SMIM17: variants seen among roughly 807,000 people sequenced by gnomAD.
The protein encoded by SMIM17 is small integral membrane protein 17.
In SMIM17, 10 loss-of-function variants were observed where a neutral mutation model predicts 12.2. The ratio of observed to expected loss-of-function variants is 0.82; its 90% CI spans 0.50 to 1.39. SMIM17 has a LOEUF of 1.39. SMIM17 is among the 40% of genes most tolerant of loss of function. SMIM17 has a pLI of 0.00. For synonymous variants in SMIM17, 50 were observed against 44.1 expected (o/e 1.13, Z -0.53); for missense variants, 136 against 118.2 (o/e 1.15, Z -0.70).
At chr19:56,652,982 T>C (rs562116104) in intron 3 of SMIM17, among the ~76,000 whole-genome samples, 62 of 152,356 alleles carry the variant, frequency 4.1e-4, no homozygotes, top group African/African-American at 1.4e-3. Context: ...TGTAAAACTA[T>C]TGGATTTCAG....
At chr19:56,653,656 C>A (rs547633470) in intron 3 of SMIM17, among the ~76,000 whole-genome samples, 122 of 152,276 alleles carry the variant, frequency 8.0e-4, no homozygotes, top group African/African-American at 2.7e-3. Flanking sequence ...CCAAGATATT[C>A]AAAAACCTCT....
At chr19:56,643,689 G>A (rs1262930016) in intron 1 of SMIM17, among the ~76,000 whole-genome samples, 1 of 152,170 alleles carries the variant, frequency 6.6e-6, no homozygotes, top group African/African-American at 2.4e-5. Context: ...GGGAGCGCAG[G>A]CTCTCAGCAA....
At position 56,650,789 on chromosome 19, in the gene SMIM17, T is replaced by C. The variant is rs144493931; in HGVS notation, c.246+3155T>C. On this transcript the variant is annotated intron_variant, in intron 3 of 3. Transcript: ENST00000598409. ...CAGGGGCAACACGTGAATTCTGATG[T>C]GGGGACAGGGTAGAGGGAGGTTCTA... 8.7e-3 allele frequency among the ~76,000 whole-genome samples: 1,318 copies of C among 152,280 alleles called. 24 individuals carry two copies. Among genetic ancestry groups the C allele is most frequent in the African/African-American group, 0.029 (1,198 of 41,548 alleles).
intron 3 of SMIM17, among the ~76,000 whole-genome samples, chr19:56,654,317 A>G (rs1392457380): frequency 1.3e-5 from 2 of 152,228 alleles, no homozygotes; most frequent in African/African-American, 2.4e-5. Context: ...GTAACTACAA[A>G]GGCTTGGAAG....
At chr19:56,647,443 G>C (rs2045073141) in intron 2 of SMIM17, 115 bp from the exon 3 acceptor site, 1 of 666,888 alleles carries the variant, frequency 1.5e-6, no homozygotes, top group Non-Finnish European at 2.5e-6. Context: ...GAGAGAGAGA[G>C]AGAGAGAGGA....
chr19:56,652,878 AC>A (rs1486447686), intron 3 of SMIM17, among the ~76,000 whole-genome samples: 2 of 152,106 alleles, frequency 1.3e-5, no homozygotes, highest in Non-Finnish European at 2.9e-5. Flanking sequence ...AGCGGCCAAT[AC>A]CCCTAGCCTC....
chr19:56,652,303 G>T (rs1395433164), intron 3 of SMIM17, among the ~76,000 whole-genome samples: 1 of 151,880 alleles, frequency 6.6e-6, no homozygotes, highest in Non-Finnish European at 1.5e-5. Flanking sequence ...TATACTGGTA[G>T]AACTGAAATC....
At position 56,655,160 on chromosome 19, in the gene SMIM17, G is replaced by A. The variant is rs935975718; in HGVS notation, c.304G>A (p.Val102Met). 25 of 702,624 alleles carry A rather than the reference G, an allele frequency of 3.6e-5. 2 individuals carry two copies. Among genetic ancestry groups the A allele is most frequent in the Middle Eastern group, 2.3e-4 (1 of 4,368 alleles). 43.5% of individuals were successfully genotyped at this position (702,624 alleles called of 1,614,324 possible). Reference protein sequence around the residue: ...QQTTIVLVVCVLFLFLVLTGM... With the variant: ...QQTTIVLVVCMLFLFLVLTGM... The stretch of plus-strand genomic sequence containing the variant: ...AACAACCATAGTCTTGGTAGTGTGC[G>A]TGCTTTTTTTGTTCCTGGTTTTAAC... The change falls in exon 4 of 4, where the codon GTG becomes ATG. Residue 102 changes from valine (V) to methionine (M), a missense_variant. Coordinates refer to ENST00000598409, the MANE Select transcript of SMIM17 (RefSeq NM_001193628.2).
chr19:56,647,009 G>C (rs2045068501), intron 2 of SMIM17, among the ~76,000 whole-genome samples: 1 of 152,164 alleles, frequency 6.6e-6, no homozygotes, highest in Non-Finnish European at 1.5e-5. Context: ...GGTGCAGAAA[G>C]AGTGGAAAAT....
intron 1 of SMIM17, among the ~76,000 whole-genome samples, chr19:56,644,172 A>G (rs1219173308): frequency 2.6e-5 from 4 of 151,778 alleles, no homozygotes; most frequent in African/African-American, 7.3e-5. Context: ...CCTCCCCTCA[A>G]CCTAGATCCA....
chr19:56,648,478 A>C (rs2045085484), intron 3 of SMIM17, among the ~76,000 whole-genome samples: 1 of 152,118 alleles, frequency 6.6e-6, no homozygotes, highest in Non-Finnish European at 1.5e-5. Flanking sequence ...TTCAGATGCC[A>C]TCAATCCATC....
At chr19:56,649,054 T>C (rs1189055870) in intron 3 of SMIM17, among the ~76,000 whole-genome samples, 1 of 152,220 alleles carries the variant, frequency 6.6e-6, no homozygotes, top group Non-Finnish European at 1.5e-5. Flanking sequence ...AAATAAGTGC[T>C]GGGCACAGTG....
intron 3 of SMIM17, among the ~76,000 whole-genome samples, chr19:56,652,102 A>T (rs2045113917): frequency 7.0e-5 from 1 of 14,264 alleles, no homozygotes; most frequent in Admixed American, 7.0e-4. Context: ...AGACTCTGCC[A>T]AAAAAAAAAA....
At chr19:56,647,420 T>TGAGAGAGAGAGAGAGAGAGAGAGAGAGA (rs72370552) in intron 2 of SMIM17, 138 bp from the exon 3 acceptor site, 3 of 548,574 alleles carry the variant, frequency 5.5e-6, no homozygotes, top group African/African-American at 4.2e-5. Context: ...AGAAGGAGGG[T>TGAGAGAGAGAGAGAGAGAGAGAGAGAGA]GAGAGAGAGA....
In SMIM17 at chr19:56,656,584, T is replaced by A. The variant is rs976525003; in HGVS notation, c.*1371T>A. ...GAATACTTGATTTATATTCTCTTTATATTTTCTATAATAGCATACTTATTA... is the reference window on the plus strand; with the variant it reads ...GAATACTTGATTTATATTCTCTTTAAATTTTCTATAATAGCATACTTATTA... On this transcript the variant is annotated 3_prime_UTR_variant, in exon 4 of 4. Coordinates refer to ENST00000598409, the MANE Select transcript of SMIM17 (RefSeq NM_001193628.2). Among the ~76,000 whole-genome samples the A allele has an allele frequency of 5.9e-5, 9 of 152,230 alleles. No homozygotes were observed. Among genetic ancestry groups the A allele is most frequent in the African/African-American group, 2.2e-4 (9 of 41,472 alleles).
chr19:56,645,206 TGTGTGTGTGTTTGTGTTTGTGTTA>T (rs2045053283), intron 1 of SMIM17, among the ~76,000 whole-genome samples: 2 of 39,480 alleles, frequency 5.1e-5, no homozygotes, highest in African/African-American at 1.4e-4. Flanking sequence ...TGAATGTGGA[TGTGTGTGTGTTTGTGTTTGTGTTA>T]GTGTGTGTGT....
At chr19:56,654,181 G>C (rs1399969148) in intron 3 of SMIM17, among the ~76,000 whole-genome samples, 1 of 152,194 alleles carries the variant, frequency 6.6e-6, no homozygotes, top group Non-Finnish European at 1.5e-5. Context: ...AGTGTCATTG[G>C]AGGAAGAGAC....
Position 56,655,347 on chromosome 19 carries a change from G to A in SMIM17, c.*134G>A. ...CAAATGCCTTTCAAACATCCTTTGA[G>A]ATGATTTTTAAAAAATTTTTGGTGT... On this transcript the variant is annotated 3_prime_UTR_variant, in exon 4 of 4. Transcript: ENST00000598409. 2.0e-6 allele frequency: 1 copy of A among 496,676 alleles called. No homozygotes were observed. Among genetic ancestry groups the A allele is most frequent in the South Asian group, 3.9e-5 (1 of 25,960 alleles). The allele number at this position is 496,676 out of a possible 1,614,324, so 30.8% of individuals were successfully genotyped here.
intron 3 of SMIM17, among the ~76,000 whole-genome samples, chr19:56,649,153 C>T (rs1403321343): frequency 1.3e-5 from 2 of 152,244 alleles, no homozygotes; most frequent in East Asian, 1.9e-4. Flanking sequence ...CTGGAGTTTT[C>T]GGGATAGTAA....
Sources: gnomAD v4.1 joint callset for allele counts (sites outside exome capture counted in the v4.1 genomes callset) on GRCh38, gnomAD v4.1.1 for gene constraint, MANE v1.5 for transcripts, NCBI Gene and HGNC (gene_info 2026-07-23, HGNC 2026-07-21) for gene names.